ECE1: variants seen among roughly 807,000 people sequenced by gnomAD.
ECE1 encodes the protein endothelin converting enzyme 1, also known as endothelin-converting enzyme 1.
A neutral mutation model predicts 98.6 loss-of-function variants in ECE1; 35 were observed. The ratio of observed to expected loss-of-function variants is 0.35; its 90% CI spans 0.27 to 0.47. The LOEUF (loss-of-function observed/expected upper bound fraction) is 0.47. Ranked by LOEUF, ECE1 falls within the 20% of genes least tolerant of loss-of-function variation. ECE1 has a pLI of 1.00. For missense variants in ECE1, 814 were observed against 1,025.3 expected (o/e 0.79, Z 2.81); for synonymous variants, 394 against 407.1 (o/e 0.97, Z 0.39).
chr1:21,263,249 G>A (rs2098229370), intron 4 of ECE1, among the ~76,000 whole-genome samples: 3 of 152,198 alleles, frequency 2.0e-5, no homozygotes, highest in South Asian at 4.1e-4. Flanking sequence ...CTAGCAACAG[G>A]TGGTGGCTGC....
rs2103403480 is a variant in ECE1 at position 21,322,267 on chromosome 1, C to G, written c.3+23109G>C. Among the ~76,000 whole-genome samples the G allele has an allele frequency of 6.6e-6, 1 of 152,258 alleles. No individual in the cohort carries two copies. The highest frequency in any genetic ancestry group is 6.5e-5 in the Admixed American group (1 of 15,304). Reference sequence around the variant, plus strand: ...GATAAAACCAGGAGACCCCACACCCCACCTGAGCCCGGAGTGCAGCTCCCT... The same window carrying G: ...GATAAAACCAGGAGACCCCACACCCGACCTGAGCCCGGAGTGCAGCTCCCT... On this transcript the variant is annotated intron_variant, in intron 1 of 18. Transcript: ENST00000415912. This position sits in a 1 kb window ranked among gnomAD's most constrained non-coding sequence, Gnocchi z 4.1.
intron 3 of ECE1, among the ~76,000 whole-genome samples, chr1:21,275,332 T>C (rs982648554): frequency 1.3e-5 from 2 of 152,162 alleles, no homozygotes; most frequent in African/African-American, 4.8e-5. Flanking sequence ...CGGTGGCTCA[T>C]GCCTGTAATC....
chr1:21,315,660 A>G (rs1569740122), intron 1 of ECE1, among the ~76,000 whole-genome samples: 2 of 151,950 alleles, frequency 1.3e-5, no homozygotes, highest in African/African-American at 4.8e-5. Context: ...CAGGTGTGGT[A>G]GCGCATGCCT....
rs965686025 is a variant in ECE1, at chr1:21,338,871, G to A, written c.3+6505C>T. Among the ~76,000 whole-genome samples the A allele has an allele frequency of 3.3e-5, 5 of 152,200 alleles. No individual in the cohort carries two copies. In the East Asian group the frequency reaches 5.8e-4, roughly 18 times the overall value. ...TAAATATTGACATGACTGTGTTTAC[G>A]CTGTAACCTAACTCTGCCTGGCTGC... On this transcript the variant is annotated intron_variant, in intron 1 of 18. Coordinates refer to the ECE1 transcript ENST00000415912.
At chr1:21,294,971 T>C (rs1638310871), upstream of ECE1, among the ~76,000 whole-genome samples, 1 of 152,328 alleles carries the variant, frequency 6.6e-6, no homozygotes, top group Middle Eastern at 3.4e-3. The surrounding 1 kb of genome is among the most constrained non-coding windows in gnomAD (Gnocchi z 4.2). Flanking sequence ...TTACATGTCA[T>C]CTAAAACACA....
At position 21,237,235 on chromosome 1, in the gene ECE1, G is replaced by A. The variant is rs28368011; in HGVS notation, c.1390-391C>T. Among the ~76,000 whole-genome samples, 1,015 of 152,192 alleles carry A rather than the reference G, an allele frequency of 6.7e-3. 8 individuals are homozygous for A. The highest frequency in any genetic ancestry group is 0.023 in the African/African-American group (973 of 41,518). On this transcript the variant is annotated intron_variant, in intron 11 of 18. Transcript: ENST00000374893. ...CCACAGCATTCCTTTTTGATGGAGC[G>A]GGCTTTAAGATCTAGAGTACTCATG...
At chr1:21,342,607 TACACACACACACACACAC>T (rs71014187) in intron 1 of ECE1, among the ~76,000 whole-genome samples, 13,444 of 139,768 alleles carry the variant, frequency 0.096, 1,971 homozygotes, top group African/African-American at 0.32. Context: ...CACACACAGA[TACACACACACACACACAC>T]ACACACACAC....
chr1:21,234,284 G>A (rs1387242617), intron 13 of ECE1, among the ~76,000 whole-genome samples: 3 of 151,650 alleles, frequency 2.0e-5, no homozygotes, highest in Admixed American at 6.6e-5. Context: ...CACCACGCCC[G>A]GCCACTAATA....
chr1:21,277,974 C>G (rs1339239122), intron 3 of ECE1, among the ~76,000 whole-genome samples: 1 of 152,190 alleles, frequency 6.6e-6, no homozygotes, highest in Non-Finnish European at 1.5e-5. Flanking sequence ...GTCCCCTCCC[C>G]ACCCCAGCGC....
chr1:21,278,831 G>A (rs538604057), intron 3 of ECE1, among the ~76,000 whole-genome samples: 2 of 152,296 alleles, frequency 1.3e-5, no homozygotes, highest in African/African-American at 4.8e-5. Flanking sequence ...GAAGTCCTAC[G>A]AGGCACCAGC....
In ECE1 at chr1:21,235,215, T is replaced by A. The variant is rs2098186511; in HGVS notation, c.1566+635A>T. On this transcript the variant is annotated intron_variant, in intron 13 of 18. Coordinates refer to ENST00000374893, the MANE Select transcript of ECE1 (RefSeq NM_001397.3). This position sits in a 1 kb window ranked among gnomAD's most constrained non-coding sequence, Gnocchi z 4.2. ...AATCACAAGAAGATATAAAACTTCATAATTTGAGGCAGAAGCACAATCCAC... is the reference window on the plus strand; with the variant it reads ...AATCACAAGAAGATATAAAACTTCAAAATTTGAGGCAGAAGCACAATCCAC... Among the ~76,000 whole-genome samples, 2 of 152,230 alleles carry A rather than the reference T, an allele frequency of 1.3e-5. No individual in the cohort carries two copies. Among genetic ancestry groups the A allele is most frequent in the Non-Finnish European group, 2.9e-5 (2 of 68,038 alleles).
At chr1:21,227,816 C>G in intron 15 of ECE1, 115 bp downstream of exon 15, 1 of 813,630 alleles carries the variant, frequency 1.2e-6, no homozygotes, top group Non-Finnish European at 2.0e-6. Flanking sequence ...TCTCTGACAT[C>G]TGCAACCTGA....
chr1:21,303,852 T>C (rs1638538042), intron 1 of ECE1, among the ~76,000 whole-genome samples: 1 of 151,956 alleles, frequency 6.6e-6, no homozygotes, highest in Admixed American at 6.6e-5. Context: ...GGTTTTGCCA[T>C]GTTGGCCAGG....
chr1:21,272,279 A>C lies in ECE1; in HGVS notation c.493+420T>G, dbSNP rs556961057. On this transcript the variant is annotated intron_variant, in intron 4 of 18. Transcript: ENST00000374893. ...CCTACTCCCAAGTCTATGGTCTTCCATTCTGCCAGGCTCCTCTTTTCTTGT... is the reference window on the plus strand; with the variant it reads ...CCTACTCCCAAGTCTATGGTCTTCCCTTCTGCCAGGCTCCTCTTTTCTTGT... 2.0e-5 allele frequency among the ~76,000 whole-genome samples: 3 copies of C among 152,306 alleles called. No individual in the cohort carries two copies. The South Asian group carries it at 6.2e-4, about 32-fold the overall frequency.
intron 4 of ECE1, among the ~76,000 whole-genome samples, chr1:21,268,225 C>A (rs1266672846): frequency 1.3e-5 from 2 of 152,162 alleles, no homozygotes; most frequent in East Asian, 3.8e-4. Context: ...ATCTGAGCTA[C>A]AAGCACAGTT....
At chr1:21,289,705 G>C (rs985287363) in intron 2 of ECE1, among the ~76,000 whole-genome samples, 5 of 152,114 alleles carry the variant, frequency 3.3e-5, no homozygotes, top group Admixed American at 1.3e-4. Flanking sequence ...CGTAGACTCT[G>C]CCGGTAAAGG....
At position 21,327,750 on chromosome 1, in the gene ECE1, A is replaced by G. The variant is rs1232894859; in HGVS notation, c.3+17626T>C. ...TCCCCAGCCCCCCGGGCCTCAGACC[A>G]GTACCAGTCCATGGCCTGTTAGGAA... On this transcript the variant is annotated intron_variant, in intron 1 of 18. Transcript: ENST00000415912. This position sits in a 1 kb window ranked among gnomAD's most constrained non-coding sequence, Gnocchi z 4.6. 6.6e-6 allele frequency among the ~76,000 whole-genome samples: 1 copy of G among 152,186 alleles called. No homozygotes were observed. The highest frequency in any genetic ancestry group is 1.5e-5 in the Non-Finnish European group (1 of 68,026).
intron 14 of ECE1, 65 bp from the exon 15 acceptor site, chr1:21,228,106 T>C (rs2098176823): frequency 3.0e-6 from 4 of 1,323,754 alleles, no homozygotes; most frequent in Non-Finnish European, 4.2e-6. Flanking sequence ...ACAGCCTGCC[T>C]GGAGCGCTGC....
chr1:21,289,945 C>T lies in ECE1; in HGVS notation c.138+125G>A. On this transcript the variant is annotated intron_variant, in intron 2 of 18. Transcript: ENST00000374893. Reference sequence around the variant, plus strand: ...GGGGAGGCGCGGCCCCTCCCGGATGCCGGGACGAGGGAGGGGAAGGGAGGG... The same window carrying T: ...GGGGAGGCGCGGCCCCTCCCGGATGTCGGGACGAGGGAGGGGAAGGGAGGG... 4 of 1,193,684 alleles carry T rather than the reference C, an allele frequency of 3.4e-6. No homozygotes were observed. The South Asian group carries it at 8.3e-5, about 25-fold the overall frequency. 73.9% of individuals were successfully genotyped at this position (1,193,684 alleles called of 1,614,324 possible). A position where few individuals can be genotyped will look rare whatever the true frequency, so the allele number is the denominator to read the frequency against.
Sources: gnomAD v4.1 joint callset for allele counts (sites outside exome capture counted in the v4.1 genomes callset) on GRCh38, gnomAD v4.1.1 for gene constraint, Gnocchi (gnomAD v3.1) non-coding constraint, MANE v1.5 for transcripts, NCBI Gene and HGNC (gene_info 2026-07-23, HGNC 2026-07-21) for gene names.